DLGAP1: variants seen among roughly 807,000 people sequenced by gnomAD.
DLGAP1 encodes the protein disks large-associated protein 1.
In DLGAP1, 11 loss-of-function variants were observed where a neutral mutation model predicts 90.8. That is an observed-to-expected ratio of 0.12 (90% CI 0.08 to 0.20). The LOEUF (loss-of-function observed/expected upper bound fraction) is 0.20, where lower values mean the gene tolerates loss of function less well. Ranked by LOEUF, DLGAP1 falls within the 10% of genes least tolerant of loss-of-function variation. The pLI, the probability that DLGAP1 is intolerant of heterozygous loss-of-function variation, is 1.00. For synonymous variants in DLGAP1, 558 were observed against 540.7 expected, an observed-to-expected ratio of 1.03 and a Z score of -0.44; for missense variants, 1,050 against 1,333.8, an observed-to-expected ratio of 0.79 and a Z score of 3.31.
At chr18:3,880,321 C>G (rs900196408) in intron 3 of DLGAP1, among the ~76,000 whole-genome samples, 181 bp from the exon 4 acceptor site, 2 of 151,950 alleles carry the variant, frequency 1.3e-5, no homozygotes, top group African/African-American at 2.4e-5. Context: ...GTAGCTAGGA[C>G]TACAGGCAGG....
chr18:3,687,272 C>A (rs902254893), intron 7 of DLGAP1, among the ~76,000 whole-genome samples: 1 of 152,210 alleles, frequency 6.6e-6, no homozygotes, highest in African/African-American at 2.4e-5. Flanking sequence ...CTCTCTTACA[C>A]TTTTGTATTC....
At chr18:3,631,259 C>T (rs1025976040) in intron 7 of DLGAP1, among the ~76,000 whole-genome samples, 3 of 152,058 alleles carry the variant, frequency 2.0e-5, no homozygotes, top group Non-Finnish European at 2.9e-5. Flanking sequence ...GCTGGCATTA[C>T]AGGTGTGAGC....
chr18:4,257,970 CATATGT>C (rs1356326109), intron 1 of DLGAP1, among the ~76,000 whole-genome samples: 2 of 95,100 alleles, frequency 2.1e-5, no homozygotes, highest in Non-Finnish European at 4.4e-5. Flanking sequence ...AAGAGTTATA[CATATGT>C]GTGTGTGTGT....
intron 1 of DLGAP1, among the ~76,000 whole-genome samples, chr18:4,425,484 C>T (rs2083132511): frequency 6.6e-6 from 1 of 152,178 alleles, no homozygotes; most frequent in African/African-American, 2.4e-5. Flanking sequence ...GCAAATGGAA[C>T]TGAATCTGTG....
chr18:3,765,662 G>A lies in DLGAP1; in HGVS notation c.1173-23150C>T, dbSNP rs191144630. Among the ~76,000 whole-genome samples the A allele has an allele frequency of 7.1e-3, 1,075 of 151,708 alleles. 17 individuals are homozygous for A. Among genetic ancestry groups the A allele is most frequent in the African/African-American group, 0.025 (1,016 of 41,410 alleles). The stretch of plus-strand genomic sequence containing the variant: ...CAGCCTGGCCAACATGGTGAACCCC[G>A]TCTCTATTAAAAATACAAAAAATTA... On this transcript the variant is annotated intron_variant, in intron 5 of 12. Transcript: ENST00000315677.
At chr18:4,447,808 C>T (rs1244876455) in intron 1 of DLGAP1, among the ~76,000 whole-genome samples, 1 of 152,156 alleles carries the variant, frequency 6.6e-6, no homozygotes, top group Non-Finnish European at 1.5e-5. Context: ...GTAAGCCTCA[C>T]TAAAACAGCC....
At chr18:3,567,975 T>C (rs2054533186) in intron 8 of DLGAP1, among the ~76,000 whole-genome samples, 1 of 152,074 alleles carries the variant, frequency 6.6e-6, no homozygotes, top group Non-Finnish European at 1.5e-5. Context: ...CTCAGCTCAC[T>C]ACAACCTCCG....
At chr18:4,116,393 T>C (rs2076064324) in intron 2 of DLGAP1, among the ~76,000 whole-genome samples, 1 of 152,204 alleles carries the variant, frequency 6.6e-6, no homozygotes, top group Admixed American at 6.5e-5. Flanking sequence ...CTTTTCATCA[T>C]ATTTAGGAAT....
chr18:4,337,000 GC>G (rs1224271722), intron 1 of DLGAP1, among the ~76,000 whole-genome samples: 9 of 150,298 alleles, frequency 6.0e-5, no homozygotes, highest in Non-Finnish European at 1.2e-4. Context: ...TGTAGTTCCA[GC>G]TACTCCGGAG....
At chr18:4,108,416 A>G (rs73384789) in intron 2 of DLGAP1, among the ~76,000 whole-genome samples, 7,297 of 152,138 alleles carry the variant, frequency 0.048, 627 homozygotes, top group African/African-American at 0.17. Context: ...TAAAATTTAT[A>G]TTAAATAAGT....
At chr18:3,515,499 C>T (rs2050787025) in intron 10 of DLGAP1, among the ~76,000 whole-genome samples, 3 of 132,398 alleles carry the variant, frequency 2.3e-5, no homozygotes, top group African/African-American at 8.3e-5. Context: ...GGAGTCAAGG[C>T]TGGGCGTGGT....
chr18:3,805,888 T>C (rs1320193186), intron 5 of DLGAP1, among the ~76,000 whole-genome samples: 5 of 152,242 alleles, frequency 3.3e-5, no homozygotes, highest in African/African-American at 1.2e-4. Context: ...CACTTAGAAG[T>C]TCCTCCTTGC....
intron 5 of DLGAP1, among the ~76,000 whole-genome samples, chr18:3,765,130 CTTT>C (rs1212463684): frequency 8.8e-6 from 1 of 113,222 alleles, no homozygotes. Context: ...TTTTTTTTTT[CTTT>C]TTTTTTTTTT....
chr18:4,079,256 C>A (rs2075568378), intron 2 of DLGAP1, among the ~76,000 whole-genome samples: 1 of 148,632 alleles, frequency 6.7e-6, no homozygotes, highest in Admixed American at 6.8e-5. Context: ...TTGCAAAGTG[C>A]CCATCAGCCA....
chr18:3,989,869 G>A (rs1377628816), intron 3 of DLGAP1, among the ~76,000 whole-genome samples: 1 of 151,808 alleles, frequency 6.6e-6, no homozygotes, highest in Admixed American at 6.6e-5. Flanking sequence ...GCAGCCAAAA[G>A]ACACATGAAA....
intron 7 of DLGAP1, among the ~76,000 whole-genome samples, chr18:3,682,808 G>A (rs983207435): frequency 6.6e-6 from 1 of 151,888 alleles, no homozygotes; most frequent in African/African-American, 2.4e-5. Context: ...TTATTTATAA[G>A]CATTATTTGA....
At chr18:3,658,980 A>G (rs939368236) in intron 7 of DLGAP1, among the ~76,000 whole-genome samples, 1 of 152,204 alleles carries the variant, frequency 6.6e-6, no homozygotes, top group Non-Finnish European at 1.5e-5. Context: ...CTCAAATACA[A>G]ACAAAAATTA....
intron 1 of DLGAP1, among the ~76,000 whole-genome samples, chr18:4,271,641 G>A (rs1306437154): frequency 6.6e-6 from 1 of 152,106 alleles, no homozygotes; most frequent in African/African-American, 2.4e-5. Context: ...AGTTGTATTA[G>A]CTTGTCTTTG....
At chr18:4,011,627 G>C (rs1481924952) in intron 2 of DLGAP1, among the ~76,000 whole-genome samples, 2 of 152,010 alleles carry the variant, frequency 1.3e-5, no homozygotes, top group East Asian at 3.9e-4. Flanking sequence ...GACCAGCCTG[G>C]GCAACATAGT....
Sources: gnomAD v4.1 joint callset for allele counts (sites outside exome capture counted in the v4.1 genomes callset) on GRCh38, gnomAD v4.1.1 for gene constraint, MANE v1.5 for transcripts, NCBI Gene and HGNC (gene_info 2026-07-23, HGNC 2026-07-21) for gene names.